The following OTOP1 variants were observed in gnomAD, a reference collection of about 807,000 sequenced individuals.
OTOP1 encodes the protein proton channel OTOP1.
OTOP1 carries 59 observed loss-of-function variants against 52.9 expected under a neutral mutation model. The ratio of observed to expected loss-of-function variants is 1.12; its 90% confidence interval spans 0.91 to 1.39. The LOEUF (loss-of-function observed/expected upper bound fraction) is 1.39, where lower values mean the gene tolerates loss of function less well. Among genes scored for constraint, OTOP1 ranks in the 40% most tolerant of loss-of-function variants. The probability of loss-of-function intolerance (pLI) is 0.00; values close to 1 mark genes in which losing one functional copy is unlikely to be tolerated. For synonymous variants in OTOP1, 317 were observed against 337.7 expected, an observed-to-expected ratio of 0.94 and a Z score of 0.67; for missense variants, 761 against 800.9, an observed-to-expected ratio of 0.95 and a Z score of 0.60.
chr4:4,198,302 T>C (rs903939896), intron 4 of OTOP1, among the ~76,000 whole-genome samples, 199 bp from the exon 5 acceptor site: 5 of 152,132 alleles, frequency 3.3e-5, no homozygotes, highest in Admixed American at 2.0e-4. Flanking sequence ...AGCATATTCA[T>C]TACCTAAATC....
At chr4:4,189,079 G>T (rs964625495) in intron 5 of OTOP1, 106 bp from the exon 6 acceptor site, 49 of 1,023,410 alleles carry the variant, frequency 4.8e-5, no homozygotes, top group Non-Finnish European at 5.9e-5. Flanking sequence ...AATGCACAGG[G>T]ACTGAGTCAC....
rs773947238 is a variant in OTOP1, at chr4:4,202,596, T to G, written c.600-18A>C. The G allele has an allele frequency of 9.9e-6, 16 of 1,612,748 alleles. No individual in the cohort carries two copies. In the East Asian group the frequency reaches 3.6e-4, roughly 36 times the overall value. On this transcript the variant is annotated intron_variant, in intron 3 of 5. Transcript: ENST00000296358. ...CTCCAAACCTGAAAAACACAAGGAC[T>G]CAGTTCTCAAGCAGCCCTGGGAGAG...
At chr4:4,197,110 G>A in intron 5 of OTOP1, 56 bp downstream of exon 5, 15 of 1,516,918 alleles carry the variant, frequency 9.9e-6, no homozygotes, top group South Asian at 6.5e-5. Context: ...CCCTTGAACC[G>A]AAAATGAAAG....
At chr4:4,214,769 A>T (rs28599653) in intron 1 of OTOP1, among the ~76,000 whole-genome samples, 1 of 152,166 alleles carries the variant, frequency 6.6e-6, no homozygotes, top group African/African-American at 2.4e-5. Flanking sequence ...AGACAGAAGT[A>T]GAATGGTGGT....
chr4:4,203,428 C>T (rs1224169224), intron 3 of OTOP1, among the ~76,000 whole-genome samples: 2 of 152,196 alleles, frequency 1.3e-5, no homozygotes, highest in African/African-American at 2.4e-5. Flanking sequence ...ATGGAGTAAG[C>T]AGCCACATGG....
intron 5 of OTOP1, among the ~76,000 whole-genome samples, chr4:4,193,289 A>C (rs938375902): frequency 1.8e-4 from 28 of 151,732 alleles, no homozygotes; most frequent in African/African-American, 6.8e-4. Context: ...CCCCATCTAC[A>C]CCATTCCTTA....
intron 1 of OTOP1, among the ~76,000 whole-genome samples, chr4:4,220,075 GTATACATATATATATATATATATA>G (rs1359600130): frequency 3.8e-5 from 4 of 105,236 alleles, no homozygotes; most frequent in Non-Finnish European, 7.1e-5. Context: ...ACATATATAT[GTATACATATATATATATATATATA>G]TATATATTTT....
At position 4,195,945 on chromosome 4, in the gene OTOP1, C is replaced by G. The variant is rs534896701; in HGVS notation, c.1668+1221G>C. 7.2e-5 allele frequency among the ~76,000 whole-genome samples: 11 copies of G among 152,280 alleles called. No homozygotes were observed. In the South Asian group the frequency reaches 1.0e-3, roughly 14 times the overall value. ...AGTCTTTCCACTTTAATCTTTAGTA[C>G]CCTGCCCAGCCCCTAGCACACAGCA... On this transcript the variant is annotated intron_variant, in intron 5 of 5. Coordinates refer to ENST00000296358, the MANE Select transcript of OTOP1 (RefSeq NM_177998.3).
intron 5 of OTOP1, among the ~76,000 whole-genome samples, chr4:4,192,150 G>T (rs1172492350): frequency 6.6e-6 from 1 of 152,168 alleles, no homozygotes; most frequent in South Asian, 2.1e-4. Context: ...GGCCTTAGGA[G>T]ACAGGCAGCT....
chr4:4,203,890 G>A (rs1242683633), intron 3 of OTOP1, among the ~76,000 whole-genome samples: 1 of 152,220 alleles, frequency 6.6e-6, no homozygotes, highest in Admixed American at 6.5e-5. Context: ...CAGATCCATG[G>A]AACCTTCCAA....
chr4:4,210,335 G>A (rs1716999366), intron 2 of OTOP1, among the ~76,000 whole-genome samples: 1 of 152,164 alleles, frequency 6.6e-6, no homozygotes, highest in South Asian at 2.1e-4. Context: ...TGATCAGCTT[G>A]GGCTGCCGTA....
rs1716676217 is a variant in OTOP1, at chr4:4,197,716, C to T, written c.1118G>A (p.Arg373Lys). 2 of 1,613,878 alleles carry T rather than the reference C, an allele frequency of 1.2e-6. No individual in the cohort carries two copies. The highest frequency in any genetic ancestry group is 4.5e-5 in the East Asian group (2 of 44,860). The change falls in exon 5 of 6, where the codon AGG becomes AAG. Residue 373 changes from arginine to lysine, a missense_variant. Physicochemically the swap from Arg to Lys is conservative, Grantham distance 26. Around this residue, in one of 3 missense-constraint regions of OTOP1, gnomAD observed 632 missense variants for 619.5 expected, o/e 1.02. Coordinates refer to ENST00000296358, the MANE Select transcript of OTOP1 (RefSeq NM_177998.3). Reference protein sequence around the residue: ...AAGLAGIRIYRIDEKSLDESK... With the variant: ...AAGLAGIRIYKIDEKSLDESK... Reference sequence around the variant, plus strand: ...CTCATCCAGTGACTTCTCGTCTATCCTGTAAATCCGGATTCCAGCCAGCCC... The same window carrying T: ...CTCATCCAGTGACTTCTCGTCTATCTTGTAAATCCGGATTCCAGCCAGCCC...
chr4:4,209,783 G>A (rs1414592851), intron 2 of OTOP1, among the ~76,000 whole-genome samples: 1 of 152,136 alleles, frequency 6.6e-6, no homozygotes, highest in Non-Finnish European at 1.5e-5. Context: ...CCAGAGTCAT[G>A]CAATCTGACC....
intron 4 of OTOP1, among the ~76,000 whole-genome samples, 186 bp downstream of exon 4, chr4:4,202,262 A>T (rs185739762): frequency 1.3e-5 from 2 of 152,326 alleles, no homozygotes; most frequent in East Asian, 1.9e-4. Context: ...TGCTCAGTAC[A>T]CATCACTTAT....
At chr4:4,189,614 T>C (rs1033369704) in intron 5 of OTOP1, among the ~76,000 whole-genome samples, 4 of 152,192 alleles carry the variant, frequency 2.6e-5, no homozygotes, top group African/African-American at 9.6e-5. Context: ...AACGACTCAC[T>C]TCCAACTCAC....
chr4:4,197,868 C>G lies in OTOP1; in HGVS notation c.966G>C (p.Leu322=). 1 of 1,614,072 alleles carries G rather than the reference C, an allele frequency of 6.2e-7. No homozygotes were observed. The highest frequency in any genetic ancestry group is 2.2e-5 in the East Asian group (1 of 44,882). Residue 322 remains leucine, a synonymous_variant, in exon 5 of 6, where the codon CTG becomes CTC. Transcript: ENST00000296358. ...MVGAVLGLTV[L]AATIAVVVVY... is the part of the protein sequence containing the mutation. The stretch of plus-strand genomic sequence containing the variant: ...CCACCACCACAGCAATGGTGGCGGC[C>G]AGCACGGTCAGGCCCAGGACTGCGC...
intron 4 of OTOP1, among the ~76,000 whole-genome samples, chr4:4,199,403 GTTTT>G (rs1299983976): frequency 2.6e-5 from 4 of 151,744 alleles, no homozygotes; most frequent in African/African-American, 7.3e-5. Context: ...TATTTTGGGG[GTTTT>G]TTTGTTTTGT....
intron 1 of OTOP1, among the ~76,000 whole-genome samples, chr4:4,219,870 C>CAT (rs1284319854): frequency 1.4e-5 from 2 of 142,772 alleles, no homozygotes; most frequent in African/African-American, 5.1e-5. Flanking sequence ...TATATGTATA[C>CAT]ATATATGTAT....
intron 1 of OTOP1, among the ~76,000 whole-genome samples, chr4:4,225,089 C>T (rs1577187281): frequency 6.6e-6 from 1 of 152,226 alleles, no homozygotes; most frequent in Non-Finnish European, 1.5e-5. Flanking sequence ...AAGCCCCACT[C>T]TAATGGAGAT....
Sources: allele counts gnomAD v4.1 joint callset (sites outside exome capture counted in the v4.1 genomes callset), GRCh38; gene constraint gnomAD v4.1.1; regional missense constraint gnomAD v4.1.1; transcripts MANE v1.5; gene names NCBI Gene and HGNC (gene_info 2026-07-23, HGNC 2026-07-21).